TSPYL2: variants seen among roughly 807,000 people sequenced by gnomAD.
TSPYL2 encodes TSPY like 2, also known as testis-specific Y-encoded-like protein 2.
Under a neutral mutation model 33.0 loss-of-function variants are expected in TSPYL2, and 9 were observed. That is an observed-to-expected ratio of 0.27 (90% confidence interval 0.16 to 0.48). The LOEUF is 0.48. Ranked by LOEUF, TSPYL2 falls within the 20% of genes least tolerant of loss-of-function variation. TSPYL2 has a pLI of 0.99. For synonymous variants in TSPYL2, 330 were observed against 233.6 expected (o/e 1.41, Z -3.77); for missense variants, 636 against 586.2 (o/e 1.08, Z -0.88).
intron 6 of TSPYL2, chrX:53,087,038 G>C: frequency 8.8e-6 from 1 of 113,817 alleles, no homozygotes; most frequent in Non-Finnish European, 1.8e-5. Flanking sequence ...CTCTTGTAGA[G>C]TCACATTAGC....
Position 53,083,095 on chromosome X carries a change from G to C in TSPYL2, c.597G>C (p.Lys199Asn). ...GGCGGCGGAGGAGGAAGCAGAGGAA[G>C]GTGAAGAGGGAAAGCAGAGAGAGAA... is the stretch of plus-strand genomic sequence containing the variant. The part of the protein sequence containing the change: ...RRRRRRRKQR[K>N]VKRESRERNA... Residue 199 changes from lysine (K) to asparagine (N), a missense_variant, in exon 1 of 7, where the codon AAG becomes AAC. Physicochemically the swap from Lys to Asn is moderately conservative, Grantham distance 94. This residue lies in a region of TSPYL2 where 231 missense variants were observed against 201.6 expected (regional missense o/e 1.15). Coordinates refer to ENST00000375442, the MANE Select transcript of TSPYL2 (RefSeq NM_022117.4). 1 of 1,209,227 alleles carries C rather than the reference G, an allele frequency of 8.3e-7. No homozygotes were observed. Among genetic ancestry groups the C allele is most frequent in the African/African-American group, 1.7e-5 (1 of 57,599 alleles).
chrX:53,086,155 GCAATGAAGGTGA>G lies in TSPYL2; in HGVS notation c.1773_1784del (p.Asp592_Gly595del), dbSNP rs1222797578. On this transcript the variant is annotated inframe_deletion, in exon 6 of 7. Transcript: ENST00000375442. The stretch of plus-strand genomic sequence containing the variant: ...GACAATGAGGGCAGTGATGATGATG[GCAATGAAGGTGA>G]CAATGAAGGCAGCGATGATGACGAC... The G allele has an allele frequency of 2.5e-6, 3 of 1,201,437 alleles. No homozygotes were observed. The highest frequency in any genetic ancestry group is 3.4e-6 in the Non-Finnish European group (3 of 890,669).
At position 53,082,800 on chromosome X, in the gene TSPYL2, T is replaced by C. The variant is rs782391431; in HGVS notation, c.302T>C (p.Ile101Thr). The C allele has an allele frequency of 2.5e-6, 3 of 1,197,474 alleles. No individual in the cohort carries two copies. The highest frequency in any genetic ancestry group is 2.3e-5 in the Admixed American group (1 of 43,378). Residue 101 changes from isoleucine (I) to threonine (T), a missense_variant, in exon 1 of 7, where the codon ATC (isoleucine) becomes ACC (threonine). Around this residue, in one of 3 missense-constraint regions of TSPYL2, gnomAD observed 231 missense variants for 201.6 expected, o/e 1.15. Coordinates refer to ENST00000375442, the MANE Select transcript of TSPYL2 (RefSeq NM_022117.4). The part of the protein sequence containing the change: ...GAECPGWDST[I>T]ESGYGEAPPP... ...GAGTGTCCCGGCTGGGATTCTACCA[T>C]CGAGTCGGGGTATGGGGAGGCGCCC... is the stretch of plus-strand genomic sequence containing the variant.
At chrX:53,085,161 G>A (rs1932733833) in intron 4 of TSPYL2, 62 bp downstream of exon 4, 2 of 1,181,979 alleles carry the variant, frequency 1.7e-6, no homozygotes, top group Admixed American at 2.3e-5. Flanking sequence ...GGTGCGTGGG[G>A]AATTAAGAGG....
In TSPYL2 at chrX:53,082,724, T is replaced by C; in HGVS notation, c.226T>C (p.Tyr76His). ...LGPALPPPPP[Y>H]VILEEGGIRA... is the part of the protein sequence containing the mutation. ...CCCCGCGCTGCCCCCGCCGCCTCCC[T>C]ATGTCATTCTCGAGGAGGGGGGGAT... Residue 76 changes from tyrosine (Y) to histidine (H), a missense_variant, in exon 1 of 7, where the codon TAT becomes CAT. Coordinates refer to ENST00000375442, the MANE Select transcript of TSPYL2 (RefSeq NM_022117.4). 8.6e-7 allele frequency: 1 copy of C among 1,163,051 alleles called. No individual in the cohort carries two copies. The highest frequency in any genetic ancestry group is 1.1e-6 in the Non-Finnish European group (1 of 874,030).
At position 53,087,315 on chromosome X, in the gene TSPYL2, G is replaced by A. The variant is rs782071452; in HGVS notation, c.1919-461G>A. 3.5e-4 allele frequency: 39 copies of A among 112,229 alleles called. No homozygotes were observed. In the South Asian group the frequency reaches 0.013, roughly 37 times the overall value. The allele number at this position is 112,229 out of a possible 1,213,427, so 9.2% of individuals were successfully genotyped here. ...CCTGATGGCATCTCTTTTCTCAGAAGGGGAGGCAGAGCTATCTGCCCAGCC... is the reference window on the plus strand; with the variant it reads ...CCTGATGGCATCTCTTTTCTCAGAAAGGGAGGCAGAGCTATCTGCCCAGCC... On this transcript the variant is annotated intron_variant, in intron 6 of 6. Coordinates refer to ENST00000375442, the MANE Select transcript of TSPYL2 (RefSeq NM_022117.4).
chrX:53,082,934 C>G lies in TSPYL2; in HGVS notation c.436C>G (p.Leu146Val). 2 of 1,210,777 alleles carry G rather than the reference C, an allele frequency of 1.7e-6. No individual in the cohort carries two copies. The highest frequency in any genetic ancestry group is 2.2e-6 in the Non-Finnish European group (2 of 895,184). The change falls in exon 1 of 7, where the codon CTA becomes GTA. Residue 146 changes from leucine to valine, a missense_variant. Leu to Val is a conservative substitution (Grantham distance 32). This residue lies in a region of TSPYL2 where 231 missense variants were observed against 201.6 expected (regional missense o/e 1.15). Coordinates refer to ENST00000375442, the MANE Select transcript of TSPYL2 (RefSeq NM_022117.4). Reference sequence around the variant, plus strand: ...GAGCAGTTTTGGTGGAGAGGGGGCCCTAGAAACCTGTAGCGCAGTGGGGTG... The same window carrying G: ...GAGCAGTTTTGGTGGAGAGGGGGCCGTAGAAACCTGTAGCGCAGTGGGGTG... The part of the protein sequence containing the change: ...QSSSFGGEGA[L>V]ETCSAVGWAP...
chrX:53,087,082 T>C (rs1222895502), intron 6 of TSPYL2: 4 of 112,863 alleles, frequency 3.5e-5, no homozygotes, highest in African/African-American at 1.3e-4. Flanking sequence ...ACGAGAATTA[T>C]AAAGGTGCTG....
chrX:53,085,386 G>A, intron 5 of TSPYL2, 65 bp downstream of exon 5: 1 of 967,144 alleles, frequency 1.0e-6, no homozygotes, highest in Non-Finnish European at 1.4e-6. Context: ...GTGTAACACA[G>A]GATTTATGGA....
rs1556807513 is a variant in TSPYL2, at chrX:53,083,252, C to T, written c.754C>T (p.Leu252=). Residue 252 remains leucine (L), a synonymous_variant, in exon 1 of 7, where the codon CTG becomes TTG. Coordinates refer to ENST00000375442, the MANE Select transcript of TSPYL2 (RefSeq NM_022117.4). ...GTTCATCCAGATGCGAAGACCCTTC[C>T]TGGAGCGCAGAGACCTCATCATCCA... ...RKFIQMRRPF[L]ERRDLIIQHI... is the part of the protein sequence containing the mutation. 5.8e-6 allele frequency: 7 copies of T among 1,210,816 alleles called. No homozygotes were observed. The highest frequency in any genetic ancestry group is 4.4e-5 in the Admixed American group (2 of 45,949).
Position 53,086,051 on chromosome X carries a change from C to T in TSPYL2, c.1659C>T (p.Gly553=). The change falls in exon 6 of 7, where the codon GGC becomes GGT. Residue 553 remains glycine, a synonymous_variant. Coordinates refer to ENST00000375442, the MANE Select transcript of TSPYL2 (RefSeq NM_022117.4). Reference sequence around the variant, plus strand: ...AAGGTGGCTTCTGGGGCAGCCATGGCAACAACCAGGACAGCAGCGACAGTG... The same window carrying T: ...AAGGTGGCTTCTGGGGCAGCCATGGTAACAACCAGGACAGCAGCGACAGTG... The part of the protein sequence containing the change: ...FFKGGFWGSH[G]NNQDSSDSDN... The T allele has an allele frequency of 8.5e-7, 1 of 1,171,770 alleles. No homozygotes were observed. Among genetic ancestry groups the T allele is most frequent in the Admixed American group, 2.6e-5 (1 of 38,975 alleles).
chrX:53,088,496 TC>T lies in TSPYL2; in HGVS notation c.*561del, dbSNP rs1184090131. 8.7e-6 allele frequency: 1 copy of T among 114,986 alleles called. No homozygotes were observed. 9.5% of individuals were successfully genotyped at this position (114,986 alleles called of 1,213,427 possible). A position where few individuals can be genotyped will look rare whatever the true frequency, so the allele number is the denominator to read the frequency against. On this transcript the variant is annotated 3_prime_UTR_variant, in exon 7 of 7. Transcript: ENST00000375442. ...CCCCGTCCCCCAGAAGGCTCGCCTCTCCCCGTGGACCCTGTTAATCCCAATA... is the reference window on the plus strand; with the variant it reads ...CCCCGTCCCCCAGAAGGCTCGCCTCTCCCGTGGACCCTGTTAATCCCAATA...
Position 53,083,069 on chromosome X carries a change from CGGCGGCGGA to C in TSPYL2, c.574_582del (p.Arg193_Arg195del). The C allele has an allele frequency of 8.3e-7, 1 of 1,203,360 alleles. No homozygotes were observed. Among genetic ancestry groups the C allele is most frequent in the East Asian group, 3.0e-5 (1 of 33,635 alleles). ...TATGAGGAGCAGCAGGAGGCGGCGG[CGGCGGCGGA>C]GGAGGAAGCAGAGGAAGGTGAAGAG... On this transcript the variant is annotated inframe_deletion, in exon 1 of 7. Transcript: ENST00000375442.
rs1932755411 is a variant in TSPYL2 at position 53,085,883 on chromosome X, G to C, written c.1491G>C (p.Glu497Asp). ...VPNNETTDNN[E>D]SADDHETTDN... Reference sequence around the variant, plus strand: ...ACAACGAGACCACTGATAACAACGAGAGTGCTGATGACCACGAAACCACTG... The same window carrying C: ...ACAACGAGACCACTGATAACAACGACAGTGCTGATGACCACGAAACCACTG... Residue 497 changes from glutamate to aspartate, a missense_variant, in exon 6 of 7, where the codon GAG becomes GAC. Physicochemically the swap from Glu to Asp is conservative, Grantham distance 45 (BLOSUM62 2). Transcript: ENST00000375442. 2 of 1,209,548 alleles carry C rather than the reference G, an allele frequency of 1.7e-6. No homozygotes were observed.
Position 53,084,586 on chromosome X carries a change from T to C in TSPYL2, c.849T>C (p.Arg283=). ...GAATTTCAATTTTGATCAACCGACG[T>C]GATGAAGACATTTTCCGCTACTTGA... The part of the protein sequence containing the change: ...HPRISILINR[R]DEDIFRYLTN... Residue 283 remains arginine (R), a synonymous_variant, in exon 2 of 7, where the codon CGT becomes CGC. Transcript: ENST00000375442. 8.4e-7 allele frequency: 1 copy of C among 1,188,789 alleles called. No individual in the cohort carries two copies. The highest frequency in any genetic ancestry group is 1.1e-6 in the Non-Finnish European group (1 of 883,295).
At chrX:53,085,163 A>G (rs1556808111) in intron 4 of TSPYL2, 64 bp downstream of exon 4, 1 of 1,184,029 alleles carries the variant, frequency 8.4e-7, no homozygotes, top group African/African-American at 1.8e-5. Context: ...TGCGTGGGGA[A>G]TTAAGAGGAG....
chrX:53,084,415 C>T (rs782311500), intron 1 of TSPYL2, 130 bp from the exon 2 acceptor site: 33 of 565,476 alleles, frequency 5.8e-5, no homozygotes, highest in Non-Finnish European at 7.6e-5. Context: ...GACTCACTTG[C>T]TTTATACACA....
In TSPYL2 at chrX:53,086,439, C is replaced by CT. The variant is rs781923138; in HGVS notation, c.1918+134dup. On this transcript the variant is annotated intron_variant, in intron 6 of 6. Coordinates refer to ENST00000375442, the MANE Select transcript of TSPYL2 (RefSeq NM_022117.4). ...AGGAAAGAAAAAGCATTCTGAGCAA[C>CT]TTTTTAAACAAAGGAAGTCCAGTGA... 1.7e-3 allele frequency: 1,058 copies of CT among 633,561 alleles called. 20 individuals carry two copies. The Admixed American group carries it at 0.031, about 19-fold the overall frequency. 52.2% of individuals were successfully genotyped at this position (633,561 alleles called of 1,213,427 possible).
intron 1 of TSPYL2, 149 bp from the exon 2 acceptor site, chrX:53,084,396 A>T: frequency 2.1e-6 from 1 of 480,549 alleles, no homozygotes; most frequent in East Asian, 3.6e-5. Context: ...AGTATGGGTT[A>T]TGTCCCATGA....
Sources: allele counts gnomAD v4.1 joint callset, GRCh38; gene constraint gnomAD v4.1.1; regional missense constraint gnomAD v4.1.1; transcripts MANE v1.5; gene names NCBI Gene and HGNC (gene_info 2026-07-23, HGNC 2026-07-21).